APP: variants seen among roughly 807,000 people sequenced by gnomAD.
APP encodes amyloid beta precursor protein, also known as amyloid-beta precursor protein.
APP carries 31 observed loss-of-function variants against 101.4 expected under a neutral mutation model. That is an observed-to-expected ratio of 0.31 (90% CI 0.23 to 0.41). APP has a LOEUF of 0.41. APP is among the 10% of genes least tolerant of loss of function. The pLI is 1.00. For synonymous variants in APP, 366 were observed against 364.4 expected (o/e 1.00, Z -0.05); for missense variants, 839 against 1,003.7 (o/e 0.84, Z 2.22).
chr21:26,168,956 TGC>T (rs1220485466), intron 1 of APP, among the ~76,000 whole-genome samples: 1 of 152,220 alleles, frequency 6.6e-6, no homozygotes, highest in Admixed American at 6.5e-5. Flanking sequence ...GGAAAACATC[TGC>T]CCGGAAATTG....
chr21:25,998,857 T>C (rs2043160860), intron 7 of APP, among the ~76,000 whole-genome samples: 1 of 152,228 alleles, frequency 6.6e-6, no homozygotes, highest in Admixed American at 6.5e-5. Flanking sequence ...GTTAACGACA[T>C]GGAAGTCTCA....
chr21:26,121,513 G>A (rs578014689), intron 1 of APP, among the ~76,000 whole-genome samples: 1 of 152,012 alleles, frequency 6.6e-6, no homozygotes, highest in Non-Finnish European at 1.5e-5. Flanking sequence ...TCAGCCTCCT[G>A]AGTAGCTGGG....
chr21:26,030,876 C>CT (rs1410482529), intron 5 of APP, among the ~76,000 whole-genome samples: 1 of 152,152 alleles, frequency 6.6e-6, no homozygotes, highest in East Asian at 1.9e-4. Flanking sequence ...CTTTGGCTGT[C>CT]TAACAAATAT....
chr21:26,124,699 G>T (rs1292948386), intron 1 of APP, among the ~76,000 whole-genome samples: 1 of 152,232 alleles, frequency 6.6e-6, no homozygotes, highest in Non-Finnish European at 1.5e-5. Context: ...GGAAGAGATA[G>T]AAACGGATTG....
intron 2 of APP, among the ~76,000 whole-genome samples, chr21:26,094,216 C>T (rs1037990291): frequency 1.3e-5 from 2 of 151,926 alleles, no homozygotes; most frequent in Admixed American, 1.3e-4. Flanking sequence ...GATTCAGTTA[C>T]TTTTATTCAG....
At chr21:25,993,185 A>G (rs1410034264) in intron 8 of APP, among the ~76,000 whole-genome samples, 1 of 152,202 alleles carries the variant, frequency 6.6e-6, no homozygotes, top group Non-Finnish European at 1.5e-5. Flanking sequence ...CTGTAAGTGT[A>G]CCAGTCTGTT....
rs2062991410 is a variant in APP, at chr21:26,139,332, A to G, written c.58-27186T>C. Among the ~76,000 whole-genome samples the G allele has an allele frequency of 2.0e-5, 3 of 152,146 alleles. 1 individual carries two copies. In the South Asian group the frequency reaches 6.2e-4, roughly 32 times the overall value. On this transcript the variant is annotated intron_variant, in intron 1 of 17. Transcript: ENST00000346798. Reference sequence around the variant, plus strand: ...GCTCATTATCAAATAATTGTGCAAAAAAATCATCTGTTACCTTGTGAAGGA... The same window carrying G: ...GCTCATTATCAAATAATTGTGCAAAGAAATCATCTGTTACCTTGTGAAGGA...
chr21:26,100,418 G>GGTGAA (rs2062030591), intron 2 of APP, among the ~76,000 whole-genome samples: 1 of 152,106 alleles, frequency 6.6e-6, no homozygotes, highest in Admixed American at 6.5e-5. Flanking sequence ...AGCCTACAAG[G>GGTGAA]GTGAAGGGTG....
intron 1 of APP, among the ~76,000 whole-genome samples, chr21:26,142,422 T>C (rs2830088): frequency 0.52 from 78,471 of 151,928 alleles, 21,093 homozygotes; most frequent in African/African-American, 0.67. Context: ...CATATCCCCT[T>C]CTCTGCCAGA....
At chr21:25,926,172 C>T (rs769103480) in intron 13 of APP, among the ~76,000 whole-genome samples, 6 of 152,090 alleles carry the variant, frequency 3.9e-5, no homozygotes, top group Admixed American at 6.5e-5. Flanking sequence ...CCATTTGTTA[C>T]GGGAAGTTCT....
chr21:26,059,153 G>C (rs576590899), intron 3 of APP, among the ~76,000 whole-genome samples: 1 of 152,066 alleles, frequency 6.6e-6, no homozygotes, highest in Non-Finnish European at 1.5e-5. Context: ...CATCAGAGTG[G>C]GGTTGAGTAG....
At chr21:26,019,549 G>C (rs2146768532) in intron 6 of APP, among the ~76,000 whole-genome samples, 1 of 152,312 alleles carries the variant, frequency 6.6e-6, no homozygotes, top group African/African-American at 2.4e-5. Flanking sequence ...TATTTCCTAA[G>C]AGATTTTAAC....
At chr21:26,159,852 C>A (rs2063454919) in intron 1 of APP, among the ~76,000 whole-genome samples, 2 of 152,104 alleles carry the variant, frequency 1.3e-5, no homozygotes, top group African/African-American at 4.8e-5. Context: ...AGAAAATTCA[C>A]AATGATATAA....
intron 5 of APP, among the ~76,000 whole-genome samples, chr21:26,050,285 C>G (rs370405117): frequency 3.3e-5 from 5 of 152,126 alleles, no homozygotes; most frequent in African/African-American, 1.2e-4. Flanking sequence ...AATCATCACC[C>G]TTCGGGGGAT....
chr21:26,009,195 T>C (rs1235425024), intron 6 of APP, among the ~76,000 whole-genome samples: 11 of 152,242 alleles, frequency 7.2e-5, no homozygotes, highest in Admixed American at 5.2e-4. Context: ...GCATAGGTTT[T>C]GGCTTATTAA....
intron 1 of APP, among the ~76,000 whole-genome samples, chr21:26,143,800 A>G (rs2063099629): frequency 6.6e-6 from 1 of 152,096 alleles, no homozygotes; most frequent in African/African-American, 2.4e-5. Context: ...ATCATGCAGT[A>G]TTTGTTTTTC....
chr21:25,920,336 C>T (rs1448995920), intron 13 of APP, among the ~76,000 whole-genome samples: 1 of 152,040 alleles, frequency 6.6e-6, no homozygotes, highest in African/African-American at 2.4e-5. Flanking sequence ...GCAAAATCAC[C>T]AGCTAACATC....
chr21:25,963,180 G>A (rs1048421454), intron 11 of APP, among the ~76,000 whole-genome samples: 1 of 151,968 alleles, frequency 6.6e-6, no homozygotes, highest in Non-Finnish European at 1.5e-5. Flanking sequence ...TCTTTTATAC[G>A]ATTTCTCAAA....
At chr21:25,885,226 GGA>G (rs1197693472) in intron 17 of APP, among the ~76,000 whole-genome samples, 21 of 152,278 alleles carry the variant, frequency 1.4e-4, no homozygotes, top group Admixed American at 6.5e-4. Flanking sequence ...TCATGTCTAT[GGA>G]TAAAGGAGGA....
Sources: allele counts gnomAD v4.1 joint callset (sites outside exome capture counted in the v4.1 genomes callset), GRCh38; gene constraint gnomAD v4.1.1; transcripts MANE v1.5; gene names NCBI Gene and HGNC (gene_info 2026-07-23, HGNC 2026-07-21).